Variants in PCP4L1 observed in about 807,000 individuals in gnomAD.
The protein encoded by PCP4L1 is Purkinje cell protein 4-like protein 1.
PCP4L1 carries 9 observed loss-of-function variants against 9.6 expected under a neutral mutation model. The ratio of observed to expected loss-of-function variants is 0.94; its 90% confidence interval spans 0.57 to 1.64. The LOEUF is 1.64. Ranked by LOEUF, PCP4L1 falls within the 40% of genes most tolerant of loss-of-function variation. The probability of loss-of-function intolerance (pLI) is 0.00; values close to 1 mark genes in which losing one functional copy is unlikely to be tolerated. For missense variants in PCP4L1, 81 were observed against 80.8 expected, an observed-to-expected ratio of 1.00 and a Z score of -0.01; for synonymous variants, 31 against 28.2, an observed-to-expected ratio of 1.10 and a Z score of -0.31.
chr1:161,281,585 G>T (rs1366380191), intron 1 of PCP4L1, among the ~76,000 whole-genome samples: 17 of 150,948 alleles, frequency 1.1e-4, no homozygotes, highest in Non-Finnish European at 2.5e-4. Context: ...CCTCCCGGAC[G>T]GGGCAGCTGG....
chr1:161,273,923 T>C (rs747478882), intron 1 of PCP4L1, among the ~76,000 whole-genome samples: 24 of 152,110 alleles, frequency 1.6e-4, no homozygotes, highest in Non-Finnish European at 1.6e-4. Context: ...TGATTGGAGA[T>C]TGAGAGATAG....
intron 1 of PCP4L1, among the ~76,000 whole-genome samples, chr1:161,278,615 TGACA>T (rs1443024247): frequency 6.6e-6 from 1 of 152,004 alleles, no homozygotes; most frequent in African/African-American, 2.4e-5. Context: ...TTTAAAAACA[TGACA>T]GACCATGTTT....
chr1:161,280,043 C>A (rs951380995), intron 1 of PCP4L1, among the ~76,000 whole-genome samples: 4 of 152,290 alleles, frequency 2.6e-5, no homozygotes, highest in Admixed American at 1.3e-4. Context: ...AAATTCATGA[C>A]CTCCTGCCTT....
intron 1 of PCP4L1, among the ~76,000 whole-genome samples, chr1:161,282,271 CA>C (rs1430974555): frequency 2.0e-3 from 312 of 152,238 alleles, no homozygotes; most frequent in Non-Finnish European, 3.6e-3. Context: ...CCTGCAATAG[CA>C]GGCACTCGGC....
chr1:161,266,070 C>T (rs1669524646), intron 1 of PCP4L1, among the ~76,000 whole-genome samples: 1 of 152,046 alleles, frequency 6.6e-6, no homozygotes, highest in Non-Finnish European at 1.5e-5. Flanking sequence ...ATCTGCATCC[C>T]TGAAAGGTGC....
In PCP4L1 at chr1:161,285,166, C is replaced by T. The variant is rs1308020168; in HGVS notation, c.*685C>T. The T allele has an allele frequency of 6.6e-6, 1 of 152,302 alleles. No homozygotes were observed. The highest frequency in any genetic ancestry group is 2.4e-5 in the African/African-American group (1 of 41,380). The allele number at this position is 152,302 out of a possible 1,614,324, so 9.4% of individuals were successfully genotyped here. A position where few individuals can be genotyped will look rare whatever the true frequency, so the allele number is the denominator to read the frequency against. ...CCATAGGAGAATGAGAAGTAGGGCACATATAGGGAGGAAAGAAAAGTGAAG... is the reference window on the plus strand; with the variant it reads ...CCATAGGAGAATGAGAAGTAGGGCATATATAGGGAGGAAAGAAAAGTGAAG... On this transcript the variant is annotated 3_prime_UTR_variant, in exon 3 of 3. Coordinates refer to ENST00000504449, the MANE Select transcript of PCP4L1 (RefSeq NM_001102566.2).
At chr1:161,259,723 T>A (rs1558140328) in intron 1 of PCP4L1, among the ~76,000 whole-genome samples, 1 of 152,224 alleles carries the variant, frequency 6.6e-6, no homozygotes, top group Non-Finnish European at 1.5e-5. Context: ...AGACGTCTCC[T>A]ATTGTCTATT....
At chr1:161,264,775 G>A (rs1162697385) in intron 1 of PCP4L1, among the ~76,000 whole-genome samples, 5 of 152,214 alleles carry the variant, frequency 3.3e-5, no homozygotes, top group African/African-American at 9.6e-5. Flanking sequence ...GCTGCAGTGA[G>A]CCGTGATGGC....
intron 1 of PCP4L1, among the ~76,000 whole-genome samples, chr1:161,275,782 A>G (rs1294033813): frequency 1.3e-5 from 2 of 149,798 alleles, no homozygotes; most frequent in Admixed American, 1.3e-4. Flanking sequence ...TGCATACTCC[A>G]TCTAGGTCAT....
intron 1 of PCP4L1, among the ~76,000 whole-genome samples, chr1:161,279,652 T>C (rs1234111845): frequency 1.3e-5 from 2 of 152,164 alleles, no homozygotes; most frequent in East Asian, 3.8e-4. Context: ...TGAGAAAACA[T>C]TTATGAAAGC....
intron 1 of PCP4L1, among the ~76,000 whole-genome samples, chr1:161,275,081 G>A (rs1251728507): frequency 2.0e-5 from 3 of 152,168 alleles, no homozygotes; most frequent in African/African-American, 4.8e-5. Flanking sequence ...AGAGAGACTT[G>A]GGAGGGAAGC....
intron 1 of PCP4L1, among the ~76,000 whole-genome samples, chr1:161,268,959 A>G (rs1441791600): frequency 2.6e-5 from 4 of 152,244 alleles, no homozygotes; most frequent in Non-Finnish European, 1.5e-5. Context: ...CAGAGCTGAG[A>G]TTTGAACAGA....
At chr1:161,265,679 T>A (rs1333865308) in intron 1 of PCP4L1, among the ~76,000 whole-genome samples, 1 of 151,818 alleles carries the variant, frequency 6.6e-6, no homozygotes, top group Non-Finnish European at 1.5e-5. Context: ...TTGACTTGCG[T>A]TGGAATTATT....
chr1:161,271,797 T>C (rs1289361632), intron 1 of PCP4L1, among the ~76,000 whole-genome samples: 3 of 144,504 alleles, frequency 2.1e-5, no homozygotes, highest in African/African-American at 7.8e-5. Context: ...CCACTGTGCC[T>C]GATCTTTTTT....
At chr1:161,276,528 CA>C (rs1669700045) in intron 1 of PCP4L1, among the ~76,000 whole-genome samples, 1 of 151,842 alleles carries the variant, frequency 6.6e-6, no homozygotes, top group Non-Finnish European at 1.5e-5. Flanking sequence ...ACAAAAAATA[CA>C]AAAATTACCC....
chr1:161,262,282 A>G (rs1282200052), intron 1 of PCP4L1, among the ~76,000 whole-genome samples: 1 of 151,798 alleles, frequency 6.6e-6, no homozygotes. Flanking sequence ...AAAATACAAA[A>G]AATTAGCCAG....
intron 1 of PCP4L1, among the ~76,000 whole-genome samples, chr1:161,269,150 C>G (rs1270652077): frequency 6.6e-6 from 1 of 152,048 alleles, no homozygotes; most frequent in Admixed American, 6.6e-5. Flanking sequence ...TAAGTACCTA[C>G]TATTACAAGA....
intron 1 of PCP4L1, among the ~76,000 whole-genome samples, chr1:161,281,914 G>C (rs1447279239): frequency 2.0e-5 from 3 of 152,066 alleles, no homozygotes; most frequent in Non-Finnish European, 4.4e-5. Context: ...ATGGCGGCCG[G>C]GAAGAGGCGC....
At chr1:161,270,481 G>A (rs995611727) in intron 1 of PCP4L1, among the ~76,000 whole-genome samples, 1 of 150,004 alleles carries the variant, frequency 6.7e-6, no homozygotes, top group Non-Finnish European at 1.5e-5. Context: ...GATGATACTA[G>A]GAAGTGAGGG....
Sources: allele counts gnomAD v4.1 joint callset (sites outside exome capture counted in the v4.1 genomes callset), GRCh38; gene constraint gnomAD v4.1.1; transcripts MANE v1.5; gene names NCBI Gene and HGNC (gene_info 2026-07-23, HGNC 2026-07-21).